SLC20A2: variants seen among roughly 807,000 people sequenced by gnomAD.
SLC20A2 encodes sodium-dependent phosphate transporter 2.
A neutral mutation model predicts 61.0 loss-of-function variants in SLC20A2; 30 were observed. That is an observed-to-expected ratio of 0.49 (90% CI 0.37 to 0.67). The LOEUF is 0.67. Among genes scored for constraint, SLC20A2 ranks in the 30% least tolerant of loss-of-function variants. The pLI, the probability that SLC20A2 is intolerant of heterozygous loss-of-function variation, is 0.00. For missense variants in SLC20A2, 626 were observed against 866.4 expected, an observed-to-expected ratio of 0.72 and a Z score of 3.48; for synonymous variants, 351 against 353.3, an observed-to-expected ratio of 0.99 and a Z score of 0.07.
At chr8:42,427,480 G>A (rs572802212) in intron 10 of SLC20A2, among the ~76,000 whole-genome samples, 1 of 152,342 alleles carries the variant, frequency 6.6e-6, no homozygotes, top group South Asian at 2.1e-4. Flanking sequence ...CGCCCCCACA[G>A]GCTTGCTGTG....
chr8:42,446,473 T>C (rs1401121072), intron 5 of SLC20A2, among the ~76,000 whole-genome samples: 3 of 152,006 alleles, frequency 2.0e-5, no homozygotes, highest in African/African-American at 4.8e-5. Flanking sequence ...TTTGTAATAG[T>C]AATAATTTGT....
Position 42,494,057 on chromosome 8 carries a change from C to T in SLC20A2, c.-265+6974G>A, listed in dbSNP as rs151019352. On this transcript the variant is annotated intron_variant, in intron 1 of 10. Transcript: ENST00000520262. ...ACTTGGCAGGCTGAGTTGGGAGGAT[C>T]GCTCAAGCTGGGGGAGTCAAGGTTG... Among the ~76,000 whole-genome samples, 345 of 152,250 alleles carry T rather than the reference C, an allele frequency of 2.3e-3. 4 individuals carry two copies. The highest frequency in any genetic ancestry group is 7.8e-3 in the African/African-American group (322 of 41,546).
chr8:42,483,122 G>A (rs1451224193), intron 1 of SLC20A2, among the ~76,000 whole-genome samples: 1 of 152,134 alleles, frequency 6.6e-6, no homozygotes, highest in Admixed American at 6.6e-5. Context: ...AAGCTGGGTG[G>A]ATCACTTGAG....
chr8:42,510,424 C>T (rs1356488991), intron 1 of SLC20A2, among the ~76,000 whole-genome samples: 1 of 152,182 alleles, frequency 6.6e-6, no homozygotes, highest in Admixed American at 6.5e-5. Context: ...TCATAAACAT[C>T]CACTTCTCAG....
intron 3 of SLC20A2, among the ~76,000 whole-genome samples, chr8:42,464,947 C>T (rs552646110): frequency 6.6e-6 from 1 of 152,256 alleles, no homozygotes; most frequent in South Asian, 2.1e-4. Flanking sequence ...TGCACTCTAG[C>T]ACTCCAGCCT....
intron 1 of SLC20A2, among the ~76,000 whole-genome samples, chr8:42,479,068 G>A (rs917662381): frequency 7.2e-5 from 11 of 152,106 alleles, no homozygotes; most frequent in African/African-American, 2.7e-4. Context: ...CTGGGGCCAG[G>A]GAACAGAGGA....
At chr8:42,422,755 C>T (rs948001395) in intron 10 of SLC20A2, among the ~76,000 whole-genome samples, 1 of 152,024 alleles carries the variant, frequency 6.6e-6, no homozygotes, top group Non-Finnish European at 1.5e-5. Flanking sequence ...TTCTTTGTCA[C>T]GTATATTGTT....
intron 1 of SLC20A2, 79 bp downstream of exon 1, chr8:42,500,952 C>G (rs1394052835): frequency 6.6e-6 from 1 of 152,126 alleles, no homozygotes; most frequent in East Asian, 1.9e-4. Context: ...AAGAGATAAA[C>G]ATTACTATGA....
At chr8:42,496,126 G>GCAGT (rs1706096023) in intron 1 of SLC20A2, among the ~76,000 whole-genome samples, 2 of 152,150 alleles carry the variant, frequency 1.3e-5, no homozygotes, top group African/African-American at 4.8e-5. Flanking sequence ...TTCAGACATG[G>GCAGT]CAGTGCGTTA....
chr8:42,449,072 CACA>C (rs1014987704), intron 5 of SLC20A2, among the ~76,000 whole-genome samples: 4 of 152,200 alleles, frequency 2.6e-5, no homozygotes, highest in African/African-American at 7.2e-5. Context: ...CTGGCTTCTA[CACA>C]ACAACATTTT....
chr8:42,430,017 C>T, intron 9 of SLC20A2, 47 bp downstream of exon 9: 1 of 1,521,260 alleles, frequency 6.6e-7, no homozygotes, highest in Non-Finnish European at 8.9e-7. Context: ...TCTACCCAGG[C>T]CTCGGATGAC....
chr8:42,497,797 T>C (rs1039654014), intron 1 of SLC20A2, among the ~76,000 whole-genome samples: 2 of 151,480 alleles, frequency 1.3e-5, no homozygotes, highest in African/African-American at 4.9e-5. Context: ...CCTTAGAGAC[T>C]GGCTGAGGTT....
chr8:42,493,141 T>C (rs1016235544), intron 1 of SLC20A2, among the ~76,000 whole-genome samples: 30 of 152,194 alleles, frequency 2.0e-4, no homozygotes, highest in Non-Finnish European at 1.5e-5. Context: ...AAAGTACTTA[T>C]TCTCATGTGG....
At chr8:42,466,031 A>G (rs963230724) in intron 2 of SLC20A2, 114 bp from the exon 3 acceptor site, 1 of 984,590 alleles carries the variant, frequency 1.0e-6, no homozygotes, top group African/African-American at 1.7e-5. Context: ...ATTTTCTGTG[A>G]ATTGTTTCTT....
intron 1 of SLC20A2, chr8:42,484,712 T>C (rs865853582): frequency 7.8e-6 from 3 of 383,114 alleles, no homozygotes; most frequent in East Asian, 6.9e-5. Context: ...GTGGGTGTGG[T>C]CTATGGCTGG....
chr8:42,417,793 A>G lies in SLC20A2; in HGVS notation c.*10T>C, dbSNP rs369323964. The G allele has an allele frequency of 6.2e-7, 1 of 1,613,498 alleles. No individual in the cohort carries two copies. Among genetic ancestry groups the G allele is most frequent in the Non-Finnish European group, 8.5e-7 (1 of 1,179,548 alleles). ...ATCCCTTTAGCTGTTTGCAGCTGGA[A>G]GAAGACAAATCACACATATGGAAGG... On this transcript the variant is annotated 3_prime_UTR_variant, in exon 11 of 11. Coordinates refer to ENST00000520262, the MANE Select transcript of SLC20A2 (RefSeq NM_001257180.2).
At chr8:42,540,340 C>G (rs1466257187) in intron 1 of SLC20A2, among the ~76,000 whole-genome samples, 7 of 152,172 alleles carry the variant, frequency 4.6e-5, no homozygotes, top group Non-Finnish European at 1.0e-4. Context: ...TTTGGACACA[C>G]TGAAATCAAA....
intron 1 of SLC20A2, among the ~76,000 whole-genome samples, chr8:42,478,663 T>C (rs547517743): frequency 6.6e-6 from 1 of 152,302 alleles, no homozygotes; most frequent in East Asian, 1.9e-4. Flanking sequence ...GCTGTATTAC[T>C]GCACGTGTTG....
At chr8:42,483,934 G>T (rs1188077779) in intron 1 of SLC20A2, among the ~76,000 whole-genome samples, 2 of 152,158 alleles carry the variant, frequency 1.3e-5, no homozygotes, top group Non-Finnish European at 2.9e-5. Flanking sequence ...TGATTCTATT[G>T]GAGGTTCAAT....
Sources: allele counts gnomAD v4.1 joint callset (sites outside exome capture counted in the v4.1 genomes callset), GRCh38; gene constraint gnomAD v4.1.1; transcripts MANE v1.5; gene names NCBI Gene and HGNC (gene_info 2026-07-23, HGNC 2026-07-21).